Variants in PDE4D observed in about 807,000 individuals in gnomAD.
PDE4D encodes 3',5'-cyclic-AMP phosphodiesterase 4D.
A neutral mutation model predicts 87.4 loss-of-function variants in PDE4D; 24 were observed. The ratio of observed to expected loss-of-function variants is 0.27; its 90% CI spans 0.20 to 0.39. The LOEUF (loss-of-function observed/expected upper bound fraction) is 0.39, where lower values mean the gene tolerates loss of function less well. PDE4D is among the 10% of genes least tolerant of loss of function. PDE4D has a pLI of 1.00. For synonymous variants in PDE4D, 384 were observed against 383.2 expected, an observed-to-expected ratio of 1.00 and a Z score of -0.02; for missense variants, 714 against 1,041.0, an observed-to-expected ratio of 0.69 and a Z score of 4.32.
chr5:60,328,408 T>C (rs1756997502), intron 1 of PDE4D, among the ~76,000 whole-genome samples: 1 of 152,142 alleles, frequency 6.6e-6, no homozygotes, highest in South Asian at 2.1e-4. Flanking sequence ...AATCAAGTCA[T>C]TCAGTATGTA....
At chr5:59,240,933 G>C (rs1355783957) in intron 1 of PDE4D, among the ~76,000 whole-genome samples, 1 of 151,988 alleles carries the variant, frequency 6.6e-6, no homozygotes, top group Non-Finnish European at 1.5e-5. Flanking sequence ...CCTTCTTCAA[G>C]TCATTTAGTC....
intron 1 of PDE4D, among the ~76,000 whole-genome samples, chr5:60,409,820 A>T (rs1052541969): frequency 7.2e-5 from 11 of 152,306 alleles, no homozygotes; most frequent in Non-Finnish European, 1.5e-4. Flanking sequence ...TGAAATGAAG[A>T]TTTGGCCTAG....
At chr5:60,298,155 A>G (rs914174883) in intron 1 of PDE4D, among the ~76,000 whole-genome samples, 3 of 152,124 alleles carry the variant, frequency 2.0e-5, no homozygotes, top group African/African-American at 7.2e-5. Context: ...AAAAATAAAA[A>G]AAAAAAAGAT....
intron 1 of PDE4D, among the ~76,000 whole-genome samples, chr5:60,517,268 G>T (rs1478014632): frequency 6.6e-6 from 1 of 152,212 alleles, no homozygotes; most frequent in Non-Finnish European, 1.5e-5. Flanking sequence ...AGTATGGGCT[G>T]CAGGTGCCCC....
chr5:59,459,951 T>C (rs1800511048), intron 1 of PDE4D, among the ~76,000 whole-genome samples: 1 of 152,084 alleles, frequency 6.6e-6, no homozygotes, highest in South Asian at 2.1e-4. Flanking sequence ...CCAAGAACAA[T>C]AACTGACTTT....
chr5:60,460,614 T>C (rs1215719396), intron 1 of PDE4D: 1 of 1,252,974 alleles, frequency 8.0e-7, no homozygotes, highest in African/African-American at 1.5e-5. Context: ...CAATTGCTTC[T>C]TGCTGTTCTT....
At chr5:60,226,417 C>G (rs1745111701) in intron 1 of PDE4D, among the ~76,000 whole-genome samples, 1 of 151,926 alleles carries the variant, frequency 6.6e-6, no homozygotes. Flanking sequence ...AAACAGGGTG[C>G]CCCAGAGAAC....
intron 1 of PDE4D, among the ~76,000 whole-genome samples, chr5:59,886,963 C>G (rs969221378): frequency 6.7e-6 from 1 of 150,270 alleles, no homozygotes; most frequent in Non-Finnish European, 1.5e-5. Flanking sequence ...GAGGTTGGAG[C>G]TAGAGATCAC....
chr5:59,317,354 C>G (rs908589052), intron 1 of PDE4D, among the ~76,000 whole-genome samples: 1 of 152,198 alleles, frequency 6.6e-6, no homozygotes, highest in African/African-American at 2.4e-5. Flanking sequence ...GGGAGGGAGG[C>G]CAGTTAACAA....
intron 1 of PDE4D, among the ~76,000 whole-genome samples, chr5:59,261,765 T>G (rs909071752): frequency 3.3e-5 from 5 of 151,804 alleles, no homozygotes; most frequent in African/African-American, 9.7e-5. Context: ...GTTTTAAAAT[T>G]TATTTAAATA....
chr5:60,160,535 A>G lies in PDE4D; in HGVS notation c.42+25022T>C, dbSNP rs180890415. Among the ~76,000 whole-genome samples, 322 of 152,308 alleles carry G rather than the reference A, an allele frequency of 2.1e-3. 5 individuals are homozygous for G. The highest frequency in any genetic ancestry group is 1.9e-3 in the East Asian group (10 of 5,182). On this transcript the variant is annotated intron_variant, in intron 2 of 16. Coordinates refer to the PDE4D transcript ENST00000502484. ...AGAGAAAAAAAAATAACTGGACCAG[A>G]GTGTGAAAAACACATATCATTTATT...
intron 1 of PDE4D, among the ~76,000 whole-genome samples, chr5:60,467,217 C>G (rs937671911): frequency 1.3e-5 from 2 of 151,498 alleles, no homozygotes; most frequent in African/African-American, 4.8e-5. Context: ...TTTTTGTATT[C>G]TTAGTAGAGA....
At chr5:59,114,871 A>T (rs1018765639) in intron 5 of PDE4D, among the ~76,000 whole-genome samples, 1 of 150,544 alleles carries the variant, frequency 6.6e-6, no homozygotes, top group Non-Finnish European at 1.5e-5. Context: ...TCAAGGGGGT[A>T]GAGGAATAAG....
At chr5:59,661,496 T>C (rs16890078) in intron 1 of PDE4D, among the ~76,000 whole-genome samples, 11,867 of 152,264 alleles carry the variant, frequency 0.078, 490 homozygotes, top group African/African-American at 0.085. Context: ...TGACTCTAGA[T>C]GTTTGCATAA....
chr5:59,118,790 A>G (rs971907964), intron 5 of PDE4D, among the ~76,000 whole-genome samples: 6 of 152,138 alleles, frequency 3.9e-5, no homozygotes, highest in Non-Finnish European at 5.9e-5. Flanking sequence ...CCACAATTCA[A>G]GTGAAACCTG....
intron 1 of PDE4D, among the ~76,000 whole-genome samples, chr5:59,456,288 T>G (rs889514486): frequency 6.6e-6 from 1 of 152,168 alleles, no homozygotes; most frequent in Non-Finnish European, 1.5e-5. Context: ...CTCTTTCCTG[T>G]GCTATTCTCC....
intron 1 of PDE4D, among the ~76,000 whole-genome samples, chr5:59,306,271 A>G (rs1771338276): frequency 1.3e-5 from 2 of 152,026 alleles, no homozygotes; most frequent in African/African-American, 4.8e-5. Context: ...CTTTAAGTTT[A>G]TGTTGGTCCT....
At chr5:60,370,013 T>G (rs893371583) in intron 1 of PDE4D, among the ~76,000 whole-genome samples, 1 of 152,214 alleles carries the variant, frequency 6.6e-6, no homozygotes, top group African/African-American at 2.4e-5. Flanking sequence ...TAGTTTCATT[T>G]TTTTTCAATT....
intron 1 of PDE4D, among the ~76,000 whole-genome samples, chr5:59,873,660 C>T (rs760186040): frequency 6.6e-6 from 1 of 152,164 alleles, no homozygotes; most frequent in Non-Finnish European, 1.5e-5. Context: ...TGTAATAAAT[C>T]ATACATGTCT....
Sources: gnomAD v4.1 joint callset for allele counts (sites outside exome capture counted in the v4.1 genomes callset) on GRCh38, gnomAD v4.1.1 for gene constraint, MANE v1.5 for transcripts, NCBI Gene and HGNC (gene_info 2026-07-23, HGNC 2026-07-21) for gene names.